C3orf20: variants seen among roughly 807,000 people sequenced by gnomAD.
The protein encoded by C3orf20 is family with sequence similarity 149 member C.
Under a neutral mutation model 88.3 loss-of-function variants are expected in C3orf20, and 76 were observed. That is an observed-to-expected ratio of 0.86 (90% CI 0.72 to 1.04). The LOEUF is 1.04. Among genes scored for constraint, C3orf20 ranks in the 50% least tolerant of loss-of-function variants. The probability of loss-of-function intolerance (pLI) is 0.00; values close to 1 mark genes in which losing one functional copy is unlikely to be tolerated. For synonymous variants in C3orf20, 436 were observed against 437.4 expected (o/e 1.00, Z 0.04); for missense variants, 1,056 against 1,123.3 (o/e 0.94, Z 0.86).
chr3:14,734,936 C>T (rs2034658270), intron 12 of C3orf20, among the ~76,000 whole-genome samples: 1 of 151,872 alleles, frequency 6.6e-6, no homozygotes, highest in Non-Finnish European at 1.5e-5. Context: ...TTATTAAGAA[C>T]TCTCTTTATC....
At chr3:14,681,368 T>C (rs140230904) in intron 1 of C3orf20, among the ~76,000 whole-genome samples, 465 of 152,284 alleles carry the variant, frequency 3.1e-3, no homozygotes, top group African/African-American at 0.011. Flanking sequence ...CGTAGGTGTG[T>C]TGGCTGGAGT....
intron 3 of C3orf20, among the ~76,000 whole-genome samples, chr3:14,683,706 A>T (rs1372977779): frequency 6.6e-6 from 1 of 151,426 alleles, no homozygotes; most frequent in Non-Finnish European, 1.5e-5. Flanking sequence ...TGAAACCCTG[A>T]CTCTACTAAA....
In C3orf20 at chr3:14,735,180, A is replaced by G. The variant is rs1424619833; in HGVS notation, c.1940+6492A>G. Among the ~76,000 whole-genome samples, 9 of 151,730 alleles carry G rather than the reference A, an allele frequency of 5.9e-5. No homozygotes were observed. In the East Asian group the frequency reaches 1.7e-3, roughly 29 times the overall value. ...TAATTAGAGTATTTAATCTTTTTAC[A>G]TTAATATAGTTACTTAAATATTTGG... On this transcript the variant is annotated intron_variant, in intron 12 of 16. Transcript: ENST00000253697.
At chr3:14,707,320 C>T (rs2033550680) in intron 7 of C3orf20, among the ~76,000 whole-genome samples, 1 of 150,832 alleles carries the variant, frequency 6.6e-6, no homozygotes, top group Non-Finnish European at 1.5e-5. Context: ...TTGATTAGCA[C>T]TTGGCAGCTT....
At chr3:14,741,396 G>A (rs1279853665) in intron 12 of C3orf20, among the ~76,000 whole-genome samples, 2 of 152,076 alleles carry the variant, frequency 1.3e-5, no homozygotes, top group Non-Finnish European at 2.9e-5. Context: ...ATCAACACTT[G>A]CCTTGAAAGG....
At chr3:14,687,383 T>A (rs2124898376) in intron 4 of C3orf20, among the ~76,000 whole-genome samples, 1 of 152,334 alleles carries the variant, frequency 6.6e-6, no homozygotes, top group Middle Eastern at 3.4e-3. Context: ...ACCCACAGTG[T>A]TTACCATGAA....
chr3:14,681,747 AT>A (rs2032104826), intron 1 of C3orf20, among the ~76,000 whole-genome samples: 1 of 152,220 alleles, frequency 6.6e-6, no homozygotes. Flanking sequence ...GTTCAGAAAA[AT>A]GAAACTTTCA....
chr3:14,769,962 G>T (rs1575168986), intron 15 of C3orf20, among the ~76,000 whole-genome samples: 1 of 152,084 alleles, frequency 6.6e-6, no homozygotes, highest in Admixed American at 6.5e-5. Context: ...TCCAGGTGAG[G>T]GGGACCATGC....
chr3:14,770,426 C>G (rs2035828373), intron 15 of C3orf20, among the ~76,000 whole-genome samples: 1 of 152,198 alleles, frequency 6.6e-6, no homozygotes, highest in Admixed American at 6.5e-5. Flanking sequence ...CTGAAAGGCC[C>G]TGGCCTTAAG....
rs184996004 is a variant in C3orf20 at position 14,748,871 on chromosome 3, T to C, written c.1941-8500T>C. 4.0e-3 allele frequency among the ~76,000 whole-genome samples: 613 copies of C among 152,310 alleles called. 5 individuals are homozygous for C. Among genetic ancestry groups the C allele is most frequent in the Non-Finnish European group, 5.4e-3 (367 of 68,014 alleles). ...TTGAGATTTGTTTTGTGGTCTCATA[T>C]ATAGTCTGTCCTGAAGAATGTTCCA... On this transcript the variant is annotated intron_variant, in intron 12 of 16. Transcript: ENST00000253697.
In C3orf20 at chr3:14,701,669, G is replaced by A. The variant is rs755709975; in HGVS notation, c.746-1461G>A. ...GTGCCTATGGCACTTGGGCTCCCTC[G>A]AGAAGACCCAAGATTAGCCATCATC... On this transcript the variant is annotated intron_variant, in intron 5 of 16. Transcript: ENST00000253697. This position sits in a 1 kb window ranked among gnomAD's most constrained non-coding sequence, Gnocchi z 4.6. Among the ~76,000 whole-genome samples the A allele has an allele frequency of 3.3e-5, 5 of 152,162 alleles. No individual in the cohort carries two copies. The highest frequency in any genetic ancestry group is 9.7e-5 in the African/African-American group (4 of 41,440).
intron 15 of C3orf20, among the ~76,000 whole-genome samples, chr3:14,770,561 C>T (rs1222755304): frequency 6.6e-6 from 1 of 152,192 alleles, no homozygotes; most frequent in South Asian, 2.1e-4. Flanking sequence ...TCCACACCCA[C>T]TTCCTGTCCC....
rs983925988 is a variant in C3orf20, at chr3:14,734,846, A to G, written c.1940+6158A>G. On this transcript the variant is annotated intron_variant, in intron 12 of 16. Transcript: ENST00000253697. ...CTCTATTTCTCCTTTTATTTCTGTA[A>G]ATTTTTGCTGTATGTATTTTGAAAC... 3.3e-5 allele frequency among the ~76,000 whole-genome samples: 5 copies of G among 151,860 alleles called. No homozygotes were observed. The East Asian group carries it at 9.6e-4, about 29-fold the overall frequency.
At chr3:14,711,993 T>C (rs2033758855) in intron 7 of C3orf20, among the ~76,000 whole-genome samples, 1 of 152,144 alleles carries the variant, frequency 6.6e-6, no homozygotes, top group African/African-American at 2.4e-5. Context: ...CTTGGTATAA[T>C]GGGTTAAATG....
rs2033252389 is a variant in C3orf20, at chr3:14,701,344, CA to C, written c.746-1783del. On this transcript the variant is annotated intron_variant, in intron 5 of 16. Coordinates refer to ENST00000253697, the MANE Select transcript of C3orf20 (RefSeq NM_032137.5). This position sits in a 1 kb window ranked among gnomAD's most constrained non-coding sequence, Gnocchi z 4.6. ...TTAGAGCCTGAGAAATGCCCCCACC[CA>C]AAGCCAGGTTTCATCCTCAAATCCA... Among the ~76,000 whole-genome samples, 1 of 152,168 alleles carries C rather than the reference CA, an allele frequency of 6.6e-6. No homozygotes were observed. Among genetic ancestry groups the C allele is most frequent in the East Asian group, 1.9e-4 (1 of 5,196 alleles).
chr3:14,713,577 TC>T (rs2033827851), intron 7 of C3orf20, among the ~76,000 whole-genome samples: 1 of 152,182 alleles, frequency 6.6e-6, no homozygotes, highest in Admixed American at 6.5e-5. Context: ...GCCTCAGAGA[TC>T]AAATCCTGGC....
At chr3:14,730,549 AAATAAT>A (rs370620909) in intron 12 of C3orf20, among the ~76,000 whole-genome samples, 4 of 151,814 alleles carry the variant, frequency 2.6e-5, no homozygotes, top group East Asian at 3.9e-4. Flanking sequence ...TGTGTCTCAA[AAATAAT>A]AATAATAATA....
chr3:14,745,761 T>G (rs1161074682), intron 12 of C3orf20, among the ~76,000 whole-genome samples: 1 of 152,250 alleles, frequency 6.6e-6, no homozygotes, highest in East Asian at 1.9e-4. Flanking sequence ...TAGTATAGTT[T>G]TAATTTGTAT....
intron 9 of C3orf20, among the ~76,000 whole-genome samples, chr3:14,719,131 T>TG (rs1000170897): frequency 2.5e-4 from 38 of 152,044 alleles, no homozygotes; most frequent in African/African-American, 8.9e-4. Flanking sequence ...CATTGTTTTT[T>TG]TTTTTTTTTT....
Sources: gnomAD v4.1 joint callset for allele counts (sites outside exome capture counted in the v4.1 genomes callset) on GRCh38, gnomAD v4.1.1 for gene constraint, Gnocchi (gnomAD v3.1) non-coding constraint, MANE v1.5 for transcripts, NCBI Gene and HGNC (gene_info 2026-07-23, HGNC 2026-07-21) for gene names.